The following ZCCHC17 variants were observed in gnomAD, a reference collection of about 807,000 sequenced individuals.
The protein encoded by ZCCHC17 is zinc finger CCHC domain-containing protein 17.
Under a neutral mutation model 30.6 loss-of-function variants are expected in ZCCHC17, and 18 were observed. That is an observed-to-expected ratio of 0.59 (90% CI 0.41 to 0.87). The LOEUF is 0.87. ZCCHC17 is among the 40% of genes least tolerant of loss of function. The pLI, the probability that ZCCHC17 is intolerant of heterozygous loss-of-function variation, is 0.00. For missense variants in ZCCHC17, 263 were observed against 284.2 expected (o/e 0.93, Z 0.54); for synonymous variants, 88 against 92.4 (o/e 0.95, Z 0.27).
chr1:31,357,736 T>C (rs780995856), intron 7 of ZCCHC17, among the ~76,000 whole-genome samples: 2 of 150,944 alleles, frequency 1.3e-5, no homozygotes, highest in Non-Finnish European at 2.9e-5. Context: ...TCATTTTAGA[T>C]AGGATGGTAA....
intron 3 of ZCCHC17, among the ~76,000 whole-genome samples, chr1:31,321,509 C>G (rs1469279449): frequency 6.6e-6 from 1 of 152,022 alleles, no homozygotes. Flanking sequence ...GAGTCTTGCT[C>G]TATTGCCCAG....
chr1:31,340,225 A>G (rs562179373), intron 5 of ZCCHC17, among the ~76,000 whole-genome samples: 4 of 150,640 alleles, frequency 2.7e-5, no homozygotes, highest in African/African-American at 9.7e-5. Flanking sequence ...TGGGATTACA[A>G]TTGTTAGCCA....
chr1:31,333,120 T>A (rs902372037), intron 3 of ZCCHC17: 3 of 152,210 alleles, frequency 2.0e-5, no homozygotes, highest in African/African-American at 4.8e-5. Flanking sequence ...TCATTTTAAG[T>A]TGTTTCCAGT....
chr1:31,329,235 G>C (rs1445390912), intron 3 of ZCCHC17, among the ~76,000 whole-genome samples: 1 of 152,154 alleles, frequency 6.6e-6, no homozygotes, highest in Admixed American at 6.5e-5. Context: ...TACTACATCT[G>C]TGCTGATACA....
intron 6 of ZCCHC17, among the ~76,000 whole-genome samples, chr1:31,347,808 C>T (rs556397169): frequency 2.6e-5 from 4 of 152,212 alleles, no homozygotes; most frequent in South Asian, 2.1e-4. Flanking sequence ...GACGGGGTTT[C>T]CCTGTGTTGC....
At chr1:31,301,321 AT>A (rs879680425) in intron 1 of ZCCHC17, among the ~76,000 whole-genome samples, 10 of 152,178 alleles carry the variant, frequency 6.6e-5, no homozygotes, top group Non-Finnish European at 1.3e-4. Flanking sequence ...GAGGAAAAAA[AT>A]GTCCCTAAAA....
chr1:31,338,134 CT>C lies in ZCCHC17; in HGVS notation c.226-803del, dbSNP rs745793056. On this transcript the variant is annotated intron_variant, in intron 4 of 7. Coordinates refer to ENST00000344147, the MANE Select transcript of ZCCHC17 (RefSeq NM_016505.4). ...ACAGGCACGCACCACTAAACCTGGC[CT>C]TTTTTTTTTTTTTTTTTTTAATTTT... is the stretch of plus-strand genomic sequence containing the variant. Among the ~76,000 whole-genome samples, 598 of 126,358 alleles carry C rather than the reference CT, an allele frequency of 4.7e-3. 1 individual carries two copies. The highest frequency in any genetic ancestry group is 0.01 in the African/African-American group (345 of 34,088). 82.9% of individuals were successfully genotyped at this position (126,358 alleles called of 152,430 possible).
chr1:31,326,215 G>A (rs371700511), intron 3 of ZCCHC17, among the ~76,000 whole-genome samples: 3 of 152,072 alleles, frequency 2.0e-5, no homozygotes, highest in African/African-American at 7.2e-5. Context: ...CTTCTGGGGA[G>A]TTGGTTTTGC....
intron 2 of ZCCHC17, among the ~76,000 whole-genome samples, chr1:31,312,860 C>T (rs1646638279): frequency 6.6e-6 from 1 of 151,874 alleles, no homozygotes; most frequent in African/African-American, 2.4e-5. Context: ...GCAACCTCCA[C>T]CTCCCAGGTT....
At chr1:31,333,913 G>C (rs1458702957) in intron 3 of ZCCHC17, among the ~76,000 whole-genome samples, 1 of 152,196 alleles carries the variant, frequency 6.6e-6, no homozygotes. Context: ...AGAGGAAAGA[G>C]ATGAATTTTA....
rs1442703412 is a variant in ZCCHC17 at position 31,314,925 on chromosome 1, C to G, written c.67-4184C>G. Among the ~76,000 whole-genome samples, 23 of 152,224 alleles carry G rather than the reference C, an allele frequency of 1.5e-4. 1 individual carries two copies. In the South Asian group the frequency reaches 4.8e-3, roughly 32 times the overall value. ...CAAGTGATCCATCTGCCTTGGCCTC[C>G]CAAAGTGCTGGGATTATAGATGTGA... On this transcript the variant is annotated intron_variant, in intron 2 of 7. Coordinates refer to ENST00000344147, the MANE Select transcript of ZCCHC17 (RefSeq NM_016505.4).
chr1:31,322,292 C>T (rs994879447), intron 3 of ZCCHC17, among the ~76,000 whole-genome samples: 2 of 152,196 alleles, frequency 1.3e-5, no homozygotes, highest in African/African-American at 2.4e-5. Flanking sequence ...TGACTACCCT[C>T]ACTTCAGATG....
chr1:31,298,780 A>T (rs139930046), intron 1 of ZCCHC17, among the ~76,000 whole-genome samples: 419 of 152,270 alleles, frequency 2.8e-3, no homozygotes, highest in African/African-American at 9.2e-3. Flanking sequence ...CAGAAGAGAG[A>T]TTTGTGTTGG....
intron 6 of ZCCHC17, among the ~76,000 whole-genome samples, chr1:31,347,066 T>A (rs1031046322): frequency 2.6e-5 from 4 of 152,192 alleles, no homozygotes; most frequent in Non-Finnish European, 5.9e-5. Context: ...ACTCTAATTT[T>A]ATCTCCAAGG....
intron 3 of ZCCHC17, among the ~76,000 whole-genome samples, chr1:31,325,680 G>A (rs1230930903): frequency 1.3e-5 from 2 of 152,246 alleles, no homozygotes; most frequent in East Asian, 1.9e-4. Flanking sequence ...GGCAGCATGA[G>A]CCAAGCGCAG....
intron 1 of ZCCHC17, among the ~76,000 whole-genome samples, chr1:31,304,531 G>T (rs367866411): frequency 2.0e-5 from 3 of 151,812 alleles, no homozygotes; most frequent in Non-Finnish European, 2.9e-5. Flanking sequence ...TGATCCACCC[G>T]CCATGGCCTC....
chr1:31,311,890 G>T (rs1297798432), intron 2 of ZCCHC17, among the ~76,000 whole-genome samples: 3 of 152,168 alleles, frequency 2.0e-5, no homozygotes, highest in African/African-American at 7.2e-5. Flanking sequence ...AGTCATGAAG[G>T]CTCTGCCCTT....
At chr1:31,298,076 G>A (rs1646211790) in intron 1 of ZCCHC17, among the ~76,000 whole-genome samples, 1 of 152,198 alleles carries the variant, frequency 6.6e-6, no homozygotes, top group Non-Finnish European at 1.5e-5. Context: ...AACAGACGGG[G>A]GTTGGGGAAG....
chr1:31,305,396 C>T (rs1286635082), intron 1 of ZCCHC17, among the ~76,000 whole-genome samples: 1 of 152,136 alleles, frequency 6.6e-6, no homozygotes, highest in Non-Finnish European at 1.5e-5. Flanking sequence ...CCTCCTGCCT[C>T]AGCCTCCTGA....
Sources: allele counts gnomAD v4.1 joint callset (sites outside exome capture counted in the v4.1 genomes callset), GRCh38; gene constraint gnomAD v4.1.1; transcripts MANE v1.5; gene names NCBI Gene and HGNC (gene_info 2026-07-23, HGNC 2026-07-21).